CPS1: variants seen among roughly 807,000 people sequenced by gnomAD.
CPS1 encodes the protein carbamoyl-phosphate synthase 1, also known as carbamoyl-phosphate synthase [ammonia], mitochondrial.
In CPS1, 109 loss-of-function variants were observed where a neutral mutation model predicts 174.6. The ratio of observed to expected loss-of-function variants is 0.62; its 90% CI spans 0.53 to 0.73. The LOEUF is 0.73. Among genes scored for constraint, CPS1 ranks in the 30% least tolerant of loss-of-function variants. The pLI is 0.00. For missense variants in CPS1, 1,689 were observed against 1,821.9 expected, an observed-to-expected ratio of 0.93 and a Z score of 1.33; for synonymous variants, 637 against 632.0, an observed-to-expected ratio of 1.01 and a Z score of -0.12.
chr2:210,606,679 A>C, intron 17 of CPS1, 52 bp from the exon 18 acceptor site: 1 of 1,539,916 alleles, frequency 6.5e-7, no homozygotes, highest in Non-Finnish European at 9.0e-7. Context: ...AAGTCGCTGA[A>C]GTTGGTTATT....
chr2:210,593,091 T>G, intron 11 of CPS1, 135 bp downstream of exon 11: 1 of 834,610 alleles, frequency 1.2e-6, no homozygotes, highest in Non-Finnish European at 2.0e-6. Flanking sequence ...GTAACACACA[T>G]TTTGTATTAA....
Position 210,592,901 on chromosome 2 carries a change from C to CCTT in CPS1, c.1114_1116dup (p.Phe372dup). ...TAGGGGATTATGCATGAGAGCAAAC[C>CCTT]CTTCTTCGCTGTGCAGTTCCACCCA... On this transcript the variant is annotated inframe_insertion, in exon 11 of 38. Coordinates refer to ENST00000233072, the MANE Select transcript of CPS1 (RefSeq NM_001875.5). The CCTT allele has an allele frequency of 6.2e-7, 1 of 1,612,400 alleles. No homozygotes were observed. The highest frequency in any genetic ancestry group is 2.2e-5 in the East Asian group (1 of 44,776).
At chr2:210,533,401 T>G (rs1270289132) in intron 1 of CPS1, among the ~76,000 whole-genome samples, 1 of 152,152 alleles carries the variant, frequency 6.6e-6, no homozygotes, top group Non-Finnish European at 1.5e-5. Context: ...CATTTAATCT[T>G]CACTACAATG....
At chr2:210,579,456 G>A (rs1226805788) in intron 4 of CPS1, among the ~76,000 whole-genome samples, 1 of 152,162 alleles carries the variant, frequency 6.6e-6, no homozygotes, top group Non-Finnish European at 1.5e-5. Flanking sequence ...AGCAATAGAA[G>A]TGTAGCAGAA....
rs185501082 is a variant in CPS1 at position 210,648,345 on chromosome 2, A to G, written c.3337-128A>G. The G allele has an allele frequency of 3.2e-4, 247 of 783,126 alleles. No individual in the cohort carries two copies. The African/African-American group carries it at 3.7e-3, about 12-fold the overall frequency. The allele number at this position is 783,126 out of a possible 1,614,324, so 48.5% of individuals were successfully genotyped here. A position where few individuals can be genotyped will look rare whatever the true frequency, so the allele number is the denominator to read the frequency against. ...GGAATTTTATGTATTTCAGTGTCCA[A>G]TTTACATTTAATGGTGCCTTTAGAG... On this transcript the variant is annotated intron_variant, in intron 26 of 37. Transcript: ENST00000233072.
At chr2:210,673,609 T>C (rs1701395283) in intron 34 of CPS1, 1 of 152,130 alleles carries the variant, frequency 6.6e-6, no homozygotes. Flanking sequence ...GAGGAACCCA[T>C]GCTTGGAAAC....
upstream of CPS1, among the ~76,000 whole-genome samples, chr2:210,553,020 C>G (rs1047492337): frequency 2.6e-5 from 4 of 151,864 alleles, no homozygotes; most frequent in Non-Finnish European, 4.4e-5. Context: ...TGAGTACACT[C>G]TCTTTGGAGA....
chr2:210,656,698 T>G, intron 30 of CPS1, 66 bp downstream of exon 30: 2 of 1,196,704 alleles, frequency 1.7e-6, no homozygotes, highest in Non-Finnish European at 1.2e-6. Flanking sequence ...CTAAGGTTTT[T>G]TTTTTTTTTT....
chr2:210,640,560 A>T (rs1700189305), intron 24 of CPS1, among the ~76,000 whole-genome samples: 1 of 152,200 alleles, frequency 6.6e-6, no homozygotes, highest in Non-Finnish European at 1.5e-5. Context: ...ATTAAAACAT[A>T]ATCACCAGAG....
At position 210,656,596 on chromosome 2, in the gene CPS1, G is replaced by A. The variant is rs778094703; in HGVS notation, c.3630G>A (p.Leu1210=). 9.6e-5 allele frequency: 154 copies of A among 1,609,432 alleles called. No homozygotes were observed. The highest frequency in any genetic ancestry group is 1.2e-4 in the Non-Finnish European group (147 of 1,179,402). ...GVHSGDATLM[L]PTQTISQGAI... ...ACTCGGGAGATGCCACTCTGATGCT[G>A]CCCACACAAACCATCAGCCAAGGGG... Residue 1210 remains leucine, a synonymous_variant, in exon 30 of 38, where the codon CTG becomes CTA. Coordinates refer to ENST00000233072, the MANE Select transcript of CPS1 (RefSeq NM_001875.5).
In CPS1 at chr2:210,594,660, T is replaced by G. The variant is rs1363305480; in HGVS notation, c.1263+54T>G. ...TGAATTTTGGATTGTCCCTATCACA[T>G]GAAGATTTTTAAAAACTAAGTGATG... On this transcript the variant is annotated intron_variant, in intron 12 of 37. Transcript: ENST00000233072. 2.3e-6 allele frequency: 3 copies of G among 1,309,220 alleles called. No individual in the cohort carries two copies. The Admixed American group carries it at 5.1e-5, about 22-fold the overall frequency. The allele number at this position is 1,309,220 out of a possible 1,614,324, so 81.1% of individuals were successfully genotyped here. A position where few individuals can be genotyped will look rare whatever the true frequency, so the allele number is the denominator to read the frequency against.
At chr2:210,566,005 A>G (rs1697289240) in intron 1 of CPS1, among the ~76,000 whole-genome samples, 1 of 152,150 alleles carries the variant, frequency 6.6e-6, no homozygotes, top group African/African-American at 2.4e-5. Flanking sequence ...GCCTTGGCCA[A>G]CGGGATAGGA....
At chr2:210,631,354 G>A (rs1699863874) in intron 21 of CPS1, 1 of 152,178 alleles carries the variant, frequency 6.6e-6, no homozygotes, top group East Asian at 1.9e-4. Flanking sequence ...AAGACTAAGT[G>A]TGAGTGGAGG....
At chr2:210,555,600 G>A (rs1230806587), upstream of CPS1, 1 of 455,318 alleles carries the variant, frequency 2.2e-6, no homozygotes, top group East Asian at 7.0e-5. Flanking sequence ...TGTTATTGAA[G>A]CTTACAATCT....
At chr2:210,628,138 A>G (rs1342315032) in intron 21 of CPS1, among the ~76,000 whole-genome samples, 2 of 152,214 alleles carry the variant, frequency 1.3e-5, no homozygotes, top group Non-Finnish European at 2.9e-5. Context: ...TCCACCTGGC[A>G]GTATTAAATT....
intron 1 of CPS1, among the ~76,000 whole-genome samples, chr2:210,489,292 C>T (rs1374558957): frequency 6.6e-6 from 1 of 152,182 alleles, no homozygotes; most frequent in African/African-American, 2.4e-5. Flanking sequence ...GTCAGTCTGA[C>T]TTGGTGGGTG....
chr2:210,503,525 CT>C (rs1695202300), intron 1 of CPS1, among the ~76,000 whole-genome samples: 1 of 152,106 alleles, frequency 6.6e-6, no homozygotes, highest in African/African-American at 2.4e-5. Context: ...TTGGTGGCCT[CT>C]TTTTACCTTT....
chr2:210,506,165 G>A (rs939812750), intron 1 of CPS1, among the ~76,000 whole-genome samples: 4 of 152,060 alleles, frequency 2.6e-5, no homozygotes, highest in Non-Finnish European at 4.4e-5. Context: ...TCACATGGCC[G>A]GGTACTCCTC....
chr2:210,642,383 G>A, intron 24 of CPS1, 101 bp from the exon 25 acceptor site: 1 of 1,382,638 alleles, frequency 7.2e-7, no homozygotes, highest in Admixed American at 1.7e-5. Context: ...AAAATCATTA[G>A]CTTCCTTAGC....
Sources: allele counts gnomAD v4.1 joint callset (sites outside exome capture counted in the v4.1 genomes callset), GRCh38; gene constraint gnomAD v4.1.1; transcripts MANE v1.5; gene names NCBI Gene and HGNC (gene_info 2026-07-23, HGNC 2026-07-21).